Variants in CSMD3 observed in about 807,000 individuals in gnomAD.
CSMD3 encodes CUB and sushi domain-containing protein 3.
CSMD3 carries 177 observed loss-of-function variants against 435.2 expected under a neutral mutation model. The observed-to-expected ratio is 0.41, with a 90% CI of 0.36 to 0.46. CSMD3 has a LOEUF of 0.46. Among genes scored for constraint, CSMD3 ranks in the 20% least tolerant of loss-of-function variants. CSMD3 has a pLI of 0.34. For synonymous variants in CSMD3, 1,656 were observed against 1,520.5 expected, an observed-to-expected ratio of 1.09 and a Z score of -2.07; for missense variants, 4,265 against 4,504.6, an observed-to-expected ratio of 0.95 and a Z score of 1.52.
intron 38 of CSMD3, among the ~76,000 whole-genome samples, chr8:112,366,743 T>G (rs1209492978): frequency 6.6e-6 from 1 of 152,100 alleles, no homozygotes; most frequent in Non-Finnish European, 1.5e-5. Context: ...TGACTTCCTT[T>G]TCTTTTGTAA....
chr8:112,937,917 A>C (rs1245055198), intron 9 of CSMD3, among the ~76,000 whole-genome samples: 1 of 152,184 alleles, frequency 6.6e-6, no homozygotes, highest in Non-Finnish European at 1.5e-5. Context: ...AAATAGAATA[A>C]ATACTGAGCA....
chr8:113,073,482 T>A (rs1453167572), intron 5 of CSMD3, among the ~76,000 whole-genome samples: 2 of 151,972 alleles, frequency 1.3e-5, no homozygotes, highest in East Asian at 3.9e-4. Context: ...GGCAACCCCC[T>A]GCACATGTAG....
At chr8:112,904,751 T>C (rs2082208317) in intron 10 of CSMD3, among the ~76,000 whole-genome samples, 1 of 151,382 alleles carries the variant, frequency 6.6e-6, no homozygotes, top group Non-Finnish European at 1.5e-5. Flanking sequence ...TTTTAGATGA[T>C]AGAATTGCCC....
chr8:112,546,575 C>T (rs116651003), intron 27 of CSMD3, among the ~76,000 whole-genome samples: 2,631 of 152,200 alleles, frequency 0.017, 75 homozygotes, highest in African/African-American at 0.06. Context: ...GAGTGAAGAG[C>T]ATAGAAAATG....
chr8:112,229,234 G>A (rs1812860246), intron 69 of CSMD3, among the ~76,000 whole-genome samples: 1 of 152,112 alleles, frequency 6.6e-6, no homozygotes, highest in South Asian at 2.1e-4. Context: ...TAATTCTGGA[G>A]GATATACAAC....
chr8:113,016,702 C>T lies in CSMD3; in HGVS notation c.1030+2365G>A, dbSNP rs542645252. On this transcript the variant is annotated intron_variant, in intron 6 of 70. Coordinates refer to ENST00000297405, the MANE Select transcript of CSMD3 (RefSeq NM_198123.2). ...TTTGACTTTTGTATAATATATTACA[C>T]AAAATTTTCAATCTTGAATTAGTTT... Among the ~76,000 whole-genome samples, 8 of 151,732 alleles carry T rather than the reference C, an allele frequency of 5.3e-5. No homozygotes were observed. The East Asian group carries it at 1.2e-3, about 22-fold the overall frequency.
chr8:113,331,673 C>CAAAATCCACT lies in CSMD3; in HGVS notation c.179-16890_179-16881dup, dbSNP rs1274393419. 2.0e-5 allele frequency among the ~76,000 whole-genome samples: 3 copies of CAAAATCCACT among 151,734 alleles called. No individual in the cohort carries two copies. In the East Asian group the frequency reaches 5.8e-4, roughly 29 times the overall value. The stretch of plus-strand genomic sequence containing the variant: ...AAAAACATATAAACGGAATAAAGGA[C>CAAAATCCACT]AAAATCCACTAAGTATCCCAATAGA... On this transcript the variant is annotated intron_variant, in intron 1 of 70. Transcript: ENST00000297405.
chr8:112,827,114 A>T (rs1238072998), intron 12 of CSMD3, among the ~76,000 whole-genome samples: 1 of 138,978 alleles, frequency 7.2e-6, no homozygotes, highest in Non-Finnish European at 1.5e-5. Flanking sequence ...ATAGTTGAGT[A>T]TTTAAGATAA....
At chr8:112,574,329 T>C (rs1442052865) in intron 23 of CSMD3, among the ~76,000 whole-genome samples, 1 of 151,940 alleles carries the variant, frequency 6.6e-6, no homozygotes, top group Non-Finnish European at 1.5e-5. Flanking sequence ...GATTCTTCTG[T>C]TTGAGAGATG....
chr8:112,749,111 A>T (rs1229339070), intron 13 of CSMD3, among the ~76,000 whole-genome samples: 2 of 151,900 alleles, frequency 1.3e-5, no homozygotes, highest in Non-Finnish European at 2.9e-5. Context: ...GCTTTTTTTC[A>T]TATGTGTATC....
intron 11 of CSMD3, among the ~76,000 whole-genome samples, chr8:112,848,623 G>A (rs2080395211): frequency 6.6e-6 from 1 of 152,068 alleles, no homozygotes; most frequent in South Asian, 2.1e-4. Flanking sequence ...TTACAAGGTA[G>A]TTTCCAATGT....
At chr8:113,182,389 T>G (rs940082186) in intron 3 of CSMD3, among the ~76,000 whole-genome samples, 2 of 151,800 alleles carry the variant, frequency 1.3e-5, no homozygotes, top group Non-Finnish European at 2.9e-5. Flanking sequence ...TTTTAATACG[T>G]TGGTCTGAAT....
chr8:112,433,718 CA>C (rs1250460544), intron 32 of CSMD3, among the ~76,000 whole-genome samples: 7 of 142,290 alleles, frequency 4.9e-5, no homozygotes, highest in South Asian at 2.3e-4. Flanking sequence ...AAACCTACAA[CA>C]AACCTATTTG....
intron 6 of CSMD3, among the ~76,000 whole-genome samples, chr8:112,982,231 G>A (rs1019639427): frequency 6.6e-6 from 1 of 151,758 alleles, no homozygotes; most frequent in Admixed American, 6.6e-5. Context: ...CACACCACTT[G>A]CAGAAATAAA....
intron 5 of CSMD3, among the ~76,000 whole-genome samples, chr8:113,030,417 T>TAAAAAA (rs35890606): frequency 3.3e-4 from 8 of 24,346 alleles, no homozygotes; most frequent in African/African-American, 1.8e-3. Flanking sequence ...TTGGTACTGG[T>TAAAAAA]AAAAAAAAAA....
chr8:113,110,171 G>A (rs1204534720), intron 4 of CSMD3, among the ~76,000 whole-genome samples: 1 of 152,046 alleles, frequency 6.6e-6, no homozygotes, highest in Non-Finnish European at 1.5e-5. Context: ...CTTTATCAAA[G>A]GGTCACCTGA....
intron 31 of CSMD3, among the ~76,000 whole-genome samples, chr8:112,487,616 A>C (rs1160568556): frequency 6.6e-6 from 1 of 152,160 alleles, no homozygotes; most frequent in Non-Finnish European, 1.5e-5. Flanking sequence ...AGATCACTCT[A>C]TTGTGTTTGG....
At chr8:112,667,531 AT>A (rs561929935) in intron 16 of CSMD3, among the ~76,000 whole-genome samples, 6 of 151,504 alleles carry the variant, frequency 4.0e-5, no homozygotes, top group East Asian at 1.9e-4. Flanking sequence ...GGATACAGTG[AT>A]TTTTTTTTCT....
chr8:112,673,171 CT>C (rs1278987773), intron 16 of CSMD3, among the ~76,000 whole-genome samples: 2 of 150,598 alleles, frequency 1.3e-5, no homozygotes, highest in African/African-American at 4.9e-5. Context: ...CATTTTGTTC[CT>C]TAAAAAAAAA....
Sources: gnomAD v4.1 joint callset for allele counts (sites outside exome capture counted in the v4.1 genomes callset) on GRCh38, gnomAD v4.1.1 for gene constraint, MANE v1.5 for transcripts, NCBI Gene and HGNC (gene_info 2026-07-23, HGNC 2026-07-21) for gene names.